The following FMN2 variants were observed in gnomAD, a reference collection of about 807,000 sequenced individuals.
FMN2 encodes the protein formin 2.
FMN2 carries 51 observed loss-of-function variants against 142.3 expected under a neutral mutation model. The observed-to-expected ratio is 0.36, with a 90% CI of 0.29 to 0.45. The LOEUF (loss-of-function observed/expected upper bound fraction) is 0.45, where lower values mean the gene tolerates loss of function less well. Among genes scored for constraint, FMN2 ranks in the 20% least tolerant of loss-of-function variants. FMN2 has a pLI of 1.00. For synonymous variants in FMN2, 882 were observed against 869.8 expected, an observed-to-expected ratio of 1.01 and a Z score of -0.25; for missense variants, 1,936 against 2,122.8, an observed-to-expected ratio of 0.91 and a Z score of 1.73.
Position 240,330,625 on chromosome 1 carries a change from T to C in FMN2, c.4460T>C (p.Val1487Ala), listed in dbSNP as rs1671344646. The C allele has an allele frequency of 3.7e-6, 6 of 1,613,712 alleles. No homozygotes were observed. Among genetic ancestry groups the C allele is most frequent in the Non-Finnish European group, 5.1e-6 (6 of 1,179,874 alleles). ...LCETLKNGPG[V>A]MQVLGLVLAF... ...CAGACATTAAAAAATGGCCCAGGGG[T>C]TATGCAGGTTCTAGGTTTGGTTCTT... is the stretch of plus-strand genomic sequence containing the variant. Residue 1487 changes from valine (V) to alanine (A), a missense_variant, in exon 11 of 18, where the codon GTT (valine) becomes GCT (alanine). Coordinates refer to ENST00000319653, the MANE Select transcript of FMN2 (RefSeq NM_020066.5).
intron 2 of FMN2, among the ~76,000 whole-genome samples, chr1:240,126,851 A>T (rs530060231): frequency 6.6e-6 from 1 of 152,180 alleles, no homozygotes; most frequent in Non-Finnish European, 1.5e-5. Flanking sequence ...GCATAGGCTA[A>T]TTAATTGCTC....
intron 1 of FMN2, among the ~76,000 whole-genome samples, chr1:240,121,381 A>AT (rs149431338): frequency 0.019 from 2,709 of 141,018 alleles, 70 homozygotes; most frequent in African/African-American, 0.064. Context: ...TTTTATTTTT[A>AT]TTTTTTTTTT....
chr1:240,172,699 A>G (rs7513523), intron 2 of FMN2, among the ~76,000 whole-genome samples: 49,147 of 151,908 alleles, frequency 0.32, 8,804 homozygotes, highest in African/African-American at 0.49. Context: ...TATCTATTCC[A>G]TGTTTTTTCT....
At chr1:240,338,972 G>A (rs1030195537) in intron 13 of FMN2, among the ~76,000 whole-genome samples, 3 of 152,172 alleles carry the variant, frequency 2.0e-5, no homozygotes, top group Non-Finnish European at 4.4e-5. Context: ...GCATTCAACC[G>A]AGATCCTGCA....
At chr1:240,098,936 T>C (rs1055664764) in intron 1 of FMN2, among the ~76,000 whole-genome samples, 10 of 152,204 alleles carry the variant, frequency 6.6e-5, no homozygotes, top group African/African-American at 2.4e-4. Flanking sequence ...ACAGAAAATA[T>C]ACAGTTGGAT....
At chr1:240,335,729 T>A (rs1203604193) in intron 13 of FMN2, among the ~76,000 whole-genome samples, 1 of 152,190 alleles carries the variant, frequency 6.6e-6, no homozygotes, top group African/African-American at 2.4e-5. Flanking sequence ...TTTCTTATGA[T>A]AAATACACAA....
chr1:240,437,462 AT>A (rs1253184053), intron 15 of FMN2, among the ~76,000 whole-genome samples: 4 of 150,620 alleles, frequency 2.7e-5, no homozygotes, highest in Non-Finnish European at 4.4e-5. Context: ...TGCCCGGCTA[AT>A]TTTTTTTTCT....
At chr1:240,112,105 A>C (rs972430850) in intron 1 of FMN2, among the ~76,000 whole-genome samples, 1 of 151,978 alleles carries the variant, frequency 6.6e-6, no homozygotes, top group African/African-American at 2.4e-5. Flanking sequence ...ACCTTTGACA[A>C]GACACCTAAC....
intron 4 of FMN2, among the ~76,000 whole-genome samples, chr1:240,192,074 C>T (rs1025726658): frequency 6.6e-6 from 1 of 152,204 alleles, no homozygotes; most frequent in Non-Finnish European, 1.5e-5. Flanking sequence ...ACGCTTTGCT[C>T]TGATCAGCCC....
At chr1:240,140,492 C>T (rs373362214) in intron 2 of FMN2, among the ~76,000 whole-genome samples, 2 of 152,180 alleles carry the variant, frequency 1.3e-5, no homozygotes, top group South Asian at 2.1e-4. Context: ...CACAGATCCA[C>T]GCAGGTTGGA....
intron 7 of FMN2, among the ~76,000 whole-genome samples, chr1:240,270,208 A>G (rs577923633): frequency 8.5e-5 from 13 of 152,186 alleles, no homozygotes; most frequent in Admixed American, 7.2e-4. Context: ...CATTCTGTCT[A>G]TACCCAATTT....
chr1:240,170,750 T>A, intron 2 of FMN2: 1 of 779,382 alleles, frequency 1.3e-6, no homozygotes, highest in Non-Finnish European at 1.8e-6. Context: ...CCTGGCTCTG[T>A]TTGGGCCGTC....
At chr1:240,169,738 G>A (rs1664626213) in intron 2 of FMN2, among the ~76,000 whole-genome samples, 1 of 152,116 alleles carries the variant, frequency 6.6e-6, no homozygotes, top group Non-Finnish European at 1.5e-5. Flanking sequence ...GCCTTCTGAA[G>A]TGCTGGAATT....
rs1358305590 is a variant in FMN2 at position 240,230,020 on chromosome 1, A to C, written c.4065+18785A>C. Among the ~76,000 whole-genome samples, 2 of 128,466 alleles carry C rather than the reference A, an allele frequency of 1.6e-5. 1 individual carries two copies. The highest frequency in any genetic ancestry group is 4.4e-4 in the East Asian group (2 of 4,510). The allele number at this position is 128,466 out of a possible 152,430, so 84.3% of individuals were successfully genotyped here. On this transcript the variant is annotated intron_variant, in intron 6 of 17. Transcript: ENST00000319653. Reference sequence around the variant, plus strand: ...TGTAGTATAAACCTTGCTAACCAAAAATTTATAGAAGAGAGGCCGGCGCAG... The same window carrying C: ...TGTAGTATAAACCTTGCTAACCAAACATTTATAGAAGAGAGGCCGGCGCAG...
At chr1:240,097,611 G>A (rs1016306723) in intron 1 of FMN2, among the ~76,000 whole-genome samples, 1 of 151,980 alleles carries the variant, frequency 6.6e-6, no homozygotes, top group East Asian at 1.9e-4. Flanking sequence ...CGCCTCGGCC[G>A]CCCAAAGTGC....
chr1:240,273,608 G>A (rs191425171), intron 7 of FMN2, among the ~76,000 whole-genome samples: 6 of 152,214 alleles, frequency 3.9e-5, no homozygotes, highest in African/African-American at 9.6e-5. Flanking sequence ...GTACTGTCTC[G>A]CTAGAGTACA....
intron 15 of FMN2, among the ~76,000 whole-genome samples, chr1:240,433,821 G>T (rs74151678): frequency 0.03 from 4,620 of 152,232 alleles, 201 homozygotes; most frequent in African/African-American, 0.1. Flanking sequence ...ATGTCGTGAG[G>T]AGTTTGTCCT....
intron 16 of FMN2, among the ~76,000 whole-genome samples, chr1:240,441,870 T>G (rs1375018766): frequency 1.3e-5 from 2 of 152,154 alleles, no homozygotes; most frequent in Non-Finnish European, 2.9e-5. Context: ...AATAAACATG[T>G]TTTCTTGCAT....
intron 2 of FMN2, among the ~76,000 whole-genome samples, chr1:240,162,052 A>G (rs1428218175): frequency 1.3e-5 from 2 of 151,768 alleles, no homozygotes; most frequent in African/African-American, 4.8e-5. Flanking sequence ...GGATCTCCTG[A>G]GCTCAGGAGG....
Sources: allele counts gnomAD v4.1 joint callset (sites outside exome capture counted in the v4.1 genomes callset), GRCh38; gene constraint gnomAD v4.1.1; transcripts MANE v1.5; gene names NCBI Gene and HGNC (gene_info 2026-07-23, HGNC 2026-07-21).